GRID2: variants seen among roughly 807,000 people sequenced by gnomAD.
GRID2 encodes glutamate ionotropic receptor delta type subunit 2, also known as glutamate receptor ionotropic, delta-2.
A neutral mutation model predicts 114.8 loss-of-function variants in GRID2; 33 were observed. That is an observed-to-expected ratio of 0.29 (90% confidence interval 0.22 to 0.38). GRID2 has a LOEUF of 0.38. Ranked by LOEUF, GRID2 falls within the 10% of genes least tolerant of loss-of-function variation. GRID2 has a pLI of 1.00. For missense variants in GRID2, 1,184 were observed against 1,257.7 expected, an observed-to-expected ratio of 0.94 and a Z score of 0.89; for synonymous variants, 505 against 449.9, an observed-to-expected ratio of 1.12 and a Z score of -1.55.
chr4:92,524,748 T>C (rs1462325845), intron 1 of GRID2, among the ~76,000 whole-genome samples: 1 of 151,394 alleles, frequency 6.6e-6, no homozygotes, highest in East Asian at 2.0e-4. Context: ...AGAGTGGGAG[T>C]GAAAACCTAA....
intron 2 of GRID2, among the ~76,000 whole-genome samples, chr4:93,028,863 TTAAA>T (rs1165719202): frequency 6.6e-6 from 1 of 152,034 alleles, no homozygotes; most frequent in Non-Finnish European, 1.5e-5. Flanking sequence ...ATGATGTACT[TTAAA>T]AAGTGTGACT....
intron 14 of GRID2, among the ~76,000 whole-genome samples, chr4:93,765,749 G>A (rs1560987643): frequency 6.6e-6 from 1 of 151,550 alleles, no homozygotes. Flanking sequence ...AAATACCACT[G>A]AGAAGAAAGT....
intron 7 of GRID2, among the ~76,000 whole-genome samples, chr4:93,235,237 A>C (rs889928849): frequency 1.4e-4 from 21 of 151,786 alleles, no homozygotes; most frequent in African/African-American, 5.1e-4. Flanking sequence ...AATTAAAACA[A>C]ATTTTATTTC....
chr4:92,799,270 A>T (rs897604249), intron 2 of GRID2, among the ~76,000 whole-genome samples: 7 of 151,912 alleles, frequency 4.6e-5, no homozygotes, highest in African/African-American at 1.7e-4. Flanking sequence ...GTTTGCAATA[A>T]GGTCGGTGCT....
At chr4:93,668,767 C>T (rs1387334333) in intron 14 of GRID2, among the ~76,000 whole-genome samples, 4 of 151,906 alleles carry the variant, frequency 2.6e-5, no homozygotes, top group Non-Finnish European at 5.9e-5. Flanking sequence ...GAATTTAAAG[C>T]AGAGAGTTTT....
intron 2 of GRID2, among the ~76,000 whole-genome samples, chr4:93,052,508 C>G (rs942246880): frequency 1.3e-5 from 2 of 151,964 alleles, no homozygotes; most frequent in African/African-American, 2.4e-5. Context: ...CAGCACATTA[C>G]TGTGCTGAAT....
chr4:92,865,203 A>AG (rs1484776136), intron 2 of GRID2, among the ~76,000 whole-genome samples: 1 of 151,772 alleles, frequency 6.6e-6, no homozygotes, highest in African/African-American at 2.4e-5. Flanking sequence ...ATTTTCAAAA[A>AG]CTCCTGCCTT....
At chr4:92,418,157 A>T (rs887645746) in intron 1 of GRID2, among the ~76,000 whole-genome samples, 1 of 152,130 alleles carries the variant, frequency 6.6e-6, no homozygotes, top group African/African-American at 2.4e-5. Context: ...GTGTTCATAC[A>T]TGCTTCTCTG....
At chr4:93,235,663 C>A (rs1355947399) in intron 7 of GRID2, among the ~76,000 whole-genome samples, 1 of 152,070 alleles carries the variant, frequency 6.6e-6, no homozygotes, top group East Asian at 1.9e-4. Context: ...ATTTTACATG[C>A]CAACGGCTCA....
chr4:93,259,044 A>C (rs536024911), intron 8 of GRID2: 2 of 393,772 alleles, frequency 5.1e-6, no homozygotes, highest in South Asian at 3.7e-5. Flanking sequence ...AGATTAAAGA[A>C]AAAAAAGTAT....
chr4:93,021,795 T>C (rs995396950), intron 2 of GRID2, among the ~76,000 whole-genome samples: 1 of 146,466 alleles, frequency 6.8e-6, no homozygotes, highest in African/African-American at 2.5e-5. Context: ...TATTATATAT[T>C]ATTTTTATAA....
intron 2 of GRID2, among the ~76,000 whole-genome samples, chr4:92,915,737 G>T (rs1748736726): frequency 6.6e-6 from 1 of 152,030 alleles, no homozygotes; most frequent in African/African-American, 2.4e-5. Context: ...TGTTATTTCT[G>T]ACTTTTTAAT....
chr4:93,548,672 T>C (rs1251415372), intron 13 of GRID2, among the ~76,000 whole-genome samples: 1 of 152,208 alleles, frequency 6.6e-6, no homozygotes, highest in African/African-American at 2.4e-5. Flanking sequence ...TAAGATTGAC[T>C]GTCCTGGTCA....
At chr4:93,713,908 G>A (rs1443591387) in intron 14 of GRID2, among the ~76,000 whole-genome samples, 1 of 151,968 alleles carries the variant, frequency 6.6e-6, no homozygotes, top group Non-Finnish European at 1.5e-5. Context: ...GTATTCATAT[G>A]CTTTTTCTTA....
At chr4:92,555,931 T>C (rs771674268) in intron 1 of GRID2, among the ~76,000 whole-genome samples, 7 of 152,176 alleles carry the variant, frequency 4.6e-5, no homozygotes, top group Non-Finnish European at 7.3e-5. Flanking sequence ...GGGATGACTT[T>C]GAGAGAATTC....
chr4:92,536,816 G>A (rs1725659587), intron 1 of GRID2, among the ~76,000 whole-genome samples: 1 of 152,078 alleles, frequency 6.6e-6, no homozygotes, highest in Non-Finnish European at 1.5e-5. Flanking sequence ...AGTGTAATAA[G>A]CAGCTGTTAA....
At chr4:93,360,749 TAATTC>T (rs151183996) in intron 8 of GRID2, among the ~76,000 whole-genome samples, 8,523 of 151,904 alleles carry the variant, frequency 0.056, 772 homozygotes, top group African/African-American at 0.19. Flanking sequence ...TTATAATTTG[TAATTC>T]AATTATATTA....
At chr4:93,360,813 G>A (rs1236568717) in intron 8 of GRID2, among the ~76,000 whole-genome samples, 1 of 151,648 alleles carries the variant, frequency 6.6e-6, no homozygotes, top group Non-Finnish European at 1.5e-5. Flanking sequence ...ATCAGTTATA[G>A]ATGATTAGTG....
intron 4 of GRID2, among the ~76,000 whole-genome samples, chr4:93,187,396 C>T (rs1479153836): frequency 6.6e-6 from 1 of 152,042 alleles, no homozygotes; most frequent in African/African-American, 2.4e-5. Context: ...TTGCCTCAGC[C>T]TCCCAAGTAG....
Sources: gnomAD v4.1 joint callset for allele counts (sites outside exome capture counted in the v4.1 genomes callset) on GRCh38, gnomAD v4.1.1 for gene constraint, MANE v1.5 for transcripts, NCBI Gene and HGNC (gene_info 2026-07-23, HGNC 2026-07-21) for gene names.